C2orf76: variants seen among roughly 807,000 people sequenced by gnomAD.
C2orf76 encodes the protein UPF0538 protein C2orf76.
In C2orf76, 23 loss-of-function variants were observed where a neutral mutation model predicts 16.9. That is an observed-to-expected ratio of 1.36 (90% confidence interval 0.98 to 1.93). The LOEUF (loss-of-function observed/expected upper bound fraction) is 1.93, where lower values mean the gene tolerates loss of function less well. C2orf76 is among the 30% of genes most tolerant of loss of function. The pLI, the probability that C2orf76 is intolerant of heterozygous loss-of-function variation, is 0.00. For synonymous variants in C2orf76, 48 were observed against 52.3 expected (o/e 0.92, Z 0.35); for missense variants, 152 against 152.6 (o/e 1.00, Z 0.02).
chr2:119,309,398 C>CTTTTTTTTTTTTTTTTTT (rs1193022536), intron 5 of C2orf76, among the ~76,000 whole-genome samples: 6 of 71,382 alleles, frequency 8.4e-5, no homozygotes, highest in East Asian at 4.0e-4. Flanking sequence ...TTCTCTTTTT[C>CTTTTTTTTTTTTTTTTTT]TTTTTTTTTT....
chr2:119,315,577 A>G (rs1679143686), intron 4 of C2orf76, among the ~76,000 whole-genome samples: 1 of 152,218 alleles, frequency 6.6e-6, no homozygotes, highest in South Asian at 2.1e-4. Flanking sequence ...GTTTCTCTGA[A>G]GTTTTAAAAC....
At chr2:119,350,077 C>CCCA (rs1553449819) in intron 1 of C2orf76, among the ~76,000 whole-genome samples, 1 of 83,978 alleles carries the variant, frequency 1.2e-5, no homozygotes, top group African/African-American at 4.2e-5. Flanking sequence ...CCGCCCCCCG[C>CCCA]CCCCCCACCG....
At chr2:119,318,251 G>A (rs1558780991) in intron 3 of C2orf76, among the ~76,000 whole-genome samples, 1 of 152,154 alleles carries the variant, frequency 6.6e-6, no homozygotes, top group Non-Finnish European at 1.5e-5. Flanking sequence ...AATTCAGAAA[G>A]TTTCCGATTC....
intron 3 of C2orf76, among the ~76,000 whole-genome samples, chr2:119,319,683 T>A (rs1311642994): frequency 6.6e-6 from 1 of 151,834 alleles, no homozygotes; most frequent in Non-Finnish European, 1.5e-5. Context: ...GGATGCCAAT[T>A]AAATGGGAGG....
At chr2:119,297,702 T>G (rs1178172029), downstream of C2orf76, among the ~76,000 whole-genome samples, 1 of 152,120 alleles carries the variant, frequency 6.6e-6, no homozygotes, top group Non-Finnish European at 1.5e-5. Flanking sequence ...TTCACCATGT[T>G]GCCCAGGCTG....
At position 119,313,720 on chromosome 2, in the gene C2orf76, A is replaced by G. The variant is rs1019704074; in HGVS notation, c.223-2017T>C. On this transcript the variant is annotated intron_variant, in intron 4 of 5. Coordinates refer to ENST00000334816, the MANE Select transcript of C2orf76 (RefSeq NM_001322331.2). ...CCATCCACCAGCTATCTAGTTCTCC[A>G]GAGAGGACTGGGACCACTGAGAGGA... is the stretch of plus-strand genomic sequence containing the variant. Among the ~76,000 whole-genome samples the G allele has an allele frequency of 1.9e-4, 29 of 152,316 alleles. No homozygotes were observed. The East Asian group carries it at 5.2e-3, about 27-fold the overall frequency.
chr2:119,322,562 C>G lies in C2orf76; in HGVS notation c.134-1358G>C, dbSNP rs116720610. Among the ~76,000 whole-genome samples, 779 of 152,226 alleles carry G rather than the reference C, an allele frequency of 5.1e-3. 10 individuals carry two copies. Among genetic ancestry groups the G allele is most frequent in the African/African-American group, 0.018 (740 of 41,520 alleles). ...ACACGAGTGTGTGTAAAATGACATT[C>G]ATAGAAGGGTATTAACTGCAGCATT... On this transcript the variant is annotated intron_variant, in intron 2 of 5. Coordinates refer to ENST00000334816, the MANE Select transcript of C2orf76 (RefSeq NM_001322331.2).
At chr2:119,281,449 A>G in the C2orf76 span, among the ~76,000 whole-genome samples, 5 of 152,132 alleles carry the variant, frequency 3.3e-5, no homozygotes, top group Admixed American at 6.6e-5. Flanking sequence ...TCGAGGCTGC[A>G]GTGAGCTGCC....
the C2orf76 span, among the ~76,000 whole-genome samples, chr2:119,281,234 A>G: frequency 6.6e-6 from 1 of 152,200 alleles, no homozygotes; most frequent in African/African-American, 2.4e-5. Flanking sequence ...TATTAAGCCC[A>G]GTACCCAAAA....
chr2:119,319,627 A>G (rs1439134761), intron 3 of C2orf76, among the ~76,000 whole-genome samples: 1 of 152,190 alleles, frequency 6.6e-6, no homozygotes, highest in Non-Finnish European at 1.5e-5. Flanking sequence ...TCTAGGCGAT[A>G]GGGATTTAAG....
intron 3 of C2orf76, among the ~76,000 whole-genome samples, chr2:119,319,843 G>A (rs1051620768): frequency 2.0e-5 from 3 of 152,146 alleles, no homozygotes; most frequent in Non-Finnish European, 4.4e-5. Context: ...CGCAGACCGT[G>A]AGGTGGCAGT....
chr2:119,344,719 G>C (rs2104614967), intron 1 of C2orf76, among the ~76,000 whole-genome samples: 1 of 152,162 alleles, frequency 6.6e-6, no homozygotes, highest in African/African-American at 2.4e-5. Flanking sequence ...TGTTACATAG[G>C]AAAAAGCTTG....
intron 2 of C2orf76, among the ~76,000 whole-genome samples, chr2:119,329,011 C>A (rs777488299): frequency 1.3e-4 from 20 of 152,140 alleles, no homozygotes; most frequent in Non-Finnish European, 2.5e-4. Context: ...GAAATCTGGA[C>A]TATTCATAAA....
intron 2 of C2orf76, among the ~76,000 whole-genome samples, chr2:119,328,629 G>A (rs1046051310): frequency 6.6e-6 from 1 of 151,836 alleles, no homozygotes; most frequent in African/African-American, 2.4e-5. Context: ...CTTTTATTCT[G>A]ATTATTTTAG....
the C2orf76 span, among the ~76,000 whole-genome samples, chr2:119,285,900 A>T: frequency 6.6e-6 from 1 of 152,160 alleles, no homozygotes; most frequent in South Asian, 2.1e-4. Flanking sequence ...AACCTCAGGG[A>T]GAGCCACATC....
At chr2:119,340,899 T>C (rs1431907195) in intron 1 of C2orf76, among the ~76,000 whole-genome samples, 1 of 148,056 alleles carries the variant, frequency 6.8e-6, no homozygotes, top group East Asian at 2.0e-4. Context: ...TTTGAAATAT[T>C]GTAAGCAAAC....
the C2orf76 span, among the ~76,000 whole-genome samples, chr2:119,281,940 G>A: frequency 6.6e-6 from 1 of 152,044 alleles, no homozygotes; most frequent in Non-Finnish European, 1.5e-5. Context: ...GGCCCACTAG[G>A]AGCATGTTGT....
chr2:119,305,590 T>C (rs13407779), intron 5 of C2orf76, among the ~76,000 whole-genome samples: 128 of 151,970 alleles, frequency 8.4e-4, no homozygotes, highest in African/African-American at 2.9e-3. Context: ...AAATCCACAA[T>C]CTTGGAAGCT....
At chr2:119,282,796 A>C in the C2orf76 span, among the ~76,000 whole-genome samples, 1 of 152,246 alleles carries the variant, frequency 6.6e-6, no homozygotes, top group Non-Finnish European at 1.5e-5. Flanking sequence ...GGAAGAGAAG[A>C]TTAAAAAATA....
Sources: gnomAD v4.1 joint callset for allele counts (sites outside exome capture counted in the v4.1 genomes callset) on GRCh38, gnomAD v4.1.1 for gene constraint, MANE v1.5 for transcripts, NCBI Gene and HGNC (gene_info 2026-07-23, HGNC 2026-07-21) for gene names.